The following HSD17B14 variants were observed in gnomAD, a reference collection of about 807,000 sequenced individuals.
HSD17B14 encodes the protein L-fucose dehydrogenase.
HSD17B14 carries 32 observed loss-of-function variants against 32.2 expected under a neutral mutation model. The observed-to-expected ratio is 0.99, with a 90% CI of 0.75 to 1.33. HSD17B14 has a LOEUF of 1.33. Among genes scored for constraint, HSD17B14 ranks in the 40% most tolerant of loss-of-function variants. The pLI, the probability that HSD17B14 is intolerant of heterozygous loss-of-function variation, is 0.00. For missense variants in HSD17B14, 370 were observed against 366.5 expected, an observed-to-expected ratio of 1.01 and a Z score of -0.08; for synonymous variants, 140 against 155.4, an observed-to-expected ratio of 0.90 and a Z score of 0.74.
chr19:48,820,954 G>C (rs2035136905), intron 5 of HSD17B14, among the ~76,000 whole-genome samples: 1 of 151,810 alleles, frequency 6.6e-6, no homozygotes, highest in Non-Finnish European at 1.5e-5. Flanking sequence ...TGCCTGCTTG[G>C]GCCTCCCAAA....
chr19:48,836,387 C>T lies in HSD17B14; in HGVS notation c.25G>A (p.Gly9Arg), dbSNP rs565045362. 1 of 1,613,928 alleles carries T rather than the reference C, an allele frequency of 6.2e-7. No individual in the cohort carries two copies. Among genetic ancestry groups the T allele is most frequent in the South Asian group, 1.1e-5 (1 of 91,082 alleles). MATGTRYA[G>R]KVVVVTGGGR... ...CCCCCGGTCACGACCACCACCTTCCCGGCATAGCGCGTTCCCGTAGCCATC... is the reference window on the plus strand; with the variant it reads ...CCCCCGGTCACGACCACCACCTTCCTGGCATAGCGCGTTCCCGTAGCCATC... Residue 9 changes from glycine to arginine, a missense_variant, in exon 1 of 9, where the codon GGG (glycine) becomes AGG (arginine). By Grantham distance (125) the Gly-to-Arg change is moderately radical (BLOSUM62 -2). Transcript: ENST00000263278.
At chr19:48,819,420 C>G (rs1200242213) in intron 5 of HSD17B14, among the ~76,000 whole-genome samples, 1 of 152,158 alleles carries the variant, frequency 6.6e-6, no homozygotes, top group Non-Finnish European at 1.5e-5. Flanking sequence ...CTCCCTTGCT[C>G]AAATACCTGC....
chr19:48,832,142 G>T (rs149132031), intron 4 of HSD17B14, among the ~76,000 whole-genome samples: 11,243 of 148,998 alleles, frequency 0.075, 1,259 homozygotes, highest in African/African-American at 0.24. Flanking sequence ...CATTTGGGGA[G>T]GCCGAGGTGG....
intron 5 of HSD17B14, among the ~76,000 whole-genome samples, chr19:48,825,148 GA>G (rs2035222776): frequency 6.8e-6 from 1 of 147,006 alleles, no homozygotes; most frequent in South Asian, 2.1e-4. Flanking sequence ...TGAGGCAGGA[GA>G]ATCACTTGAA....
intron 5 of HSD17B14, among the ~76,000 whole-genome samples, chr19:48,822,241 T>C (rs1388976809): frequency 7.4e-6 from 1 of 135,792 alleles, no homozygotes; most frequent in Non-Finnish European, 1.6e-5. Context: ...GGTGGTGATG[T>C]TGGTGATGGT....
At chr19:48,829,709 T>A (rs1392097105) in intron 5 of HSD17B14, among the ~76,000 whole-genome samples, 1 of 141,054 alleles carries the variant, frequency 7.1e-6, no homozygotes, top group South Asian at 2.3e-4. Context: ...AATGGCACGA[T>A]CTCAGCTCAC....
intron 5 of HSD17B14, among the ~76,000 whole-genome samples, chr19:48,824,770 A>G (rs77601277): frequency 1.5e-5 from 1 of 68,314 alleles, no homozygotes; most frequent in African/African-American, 7.4e-5. Context: ...AAAGAAAGAC[A>G]AAAAAAAAAA....
At chr19:48,833,204 A>T (rs2035375643) in intron 3 of HSD17B14, among the ~76,000 whole-genome samples, 1 of 150,730 alleles carries the variant, frequency 6.6e-6, no homozygotes, top group African/African-American at 2.4e-5. Context: ...ACAGCAGGCA[A>T]GCAGGAGACA....
intron 5 of HSD17B14, among the ~76,000 whole-genome samples, chr19:48,815,655 C>G (rs1488944740): frequency 1.3e-5 from 2 of 152,042 alleles, no homozygotes. Context: ...GGATTACAGG[C>G]ACGAGGCATC....
intron 5 of HSD17B14, among the ~76,000 whole-genome samples, chr19:48,816,135 G>T (rs879533890): frequency 2.6e-5 from 4 of 151,868 alleles, no homozygotes; most frequent in African/African-American, 7.3e-5. Flanking sequence ...GTGTGTGCGT[G>T]TGTGTTCGTT....
Position 48,822,106 on chromosome 19 carries a change from G to A in HSD17B14, c.370-6965C>T, listed in dbSNP as rs528740234. ...GATGGTGATGATGGTGGTGATGATGGTGGCAATGATGGTGATGCTGATGTT... is the reference window on the plus strand; with the variant it reads ...GATGGTGATGATGGTGGTGATGATGATGGCAATGATGGTGATGCTGATGTT... On this transcript the variant is annotated intron_variant, in intron 5 of 8. Transcript: ENST00000263278. Among the ~76,000 whole-genome samples the A allele has an allele frequency of 6.8e-4, 98 of 143,450 alleles. 1 individual carries two copies. Among genetic ancestry groups the A allele is most frequent in the East Asian group, 4.1e-3 (19 of 4,584 alleles). 94.1% of individuals were successfully genotyped at this position (143,450 alleles called of 152,430 possible).
intron 5 of HSD17B14, among the ~76,000 whole-genome samples, chr19:48,819,164 T>C (rs973395109): frequency 7.9e-5 from 12 of 152,232 alleles, no homozygotes; most frequent in African/African-American, 2.9e-4. Flanking sequence ...AATTTTTGTA[T>C]TTTTAGTAGC....
rs923466943 is a variant in HSD17B14 at position 48,820,868 on chromosome 19, T to TA, written c.370-5728dup. ...AAAGTAAGAAAAAAAAAGACAAAAA[T>TA]AAAAAAAAATAAATAAGTAGAGACA... is the stretch of plus-strand genomic sequence containing the variant. On this transcript the variant is annotated intron_variant, in intron 5 of 8. Transcript: ENST00000263278. Among the ~76,000 whole-genome samples, 20 of 150,184 alleles carry TA rather than the reference T, an allele frequency of 1.3e-4. 1 individual carries two copies. The highest frequency in any genetic ancestry group is 2.0e-4 in the African/African-American group (8 of 40,896).
chr19:48,829,194 C>G (rs907443352), intron 5 of HSD17B14, among the ~76,000 whole-genome samples: 1 of 152,088 alleles, frequency 6.6e-6, no homozygotes, highest in African/African-American at 2.4e-5. Flanking sequence ...CAGCTCTCCC[C>G]CAATTCTTGT....
intron 5 of HSD17B14, among the ~76,000 whole-genome samples, chr19:48,827,956 G>A (rs1399994616): frequency 2.0e-5 from 3 of 150,646 alleles, no homozygotes; most frequent in African/African-American, 4.9e-5. Flanking sequence ...CCGGGTTCAC[G>A]CCATTCTCCT....
At chr19:48,821,693 ATGG>A (rs1435983084) in intron 5 of HSD17B14, among the ~76,000 whole-genome samples, 1 of 149,244 alleles carries the variant, frequency 6.7e-6, no homozygotes, top group Admixed American at 6.7e-5. Context: ...GATGATGATA[ATGG>A]TGGTCATGAT....
At chr19:48,830,917 C>T (rs2035326137) in intron 5 of HSD17B14, among the ~76,000 whole-genome samples, 1 of 151,902 alleles carries the variant, frequency 6.6e-6, no homozygotes, top group South Asian at 2.1e-4. Context: ...TAGCTCATGG[C>T]AGCCTTGACT....
At position 48,813,527 on chromosome 19, in the gene HSD17B14, G is replaced by T. The variant is rs1487555753; in HGVS notation, c.568C>A (p.Pro190Thr). 1 of 1,614,116 alleles carries T rather than the reference G, an allele frequency of 6.2e-7. No homozygotes were observed. Reference sequence around the variant, plus strand: ...AAGGCTGCCAGCTCCTCCCACAGCGGGGTCCAGATGTTTCCTGGGGAGATA... The same window carrying T: ...AAGGCTGCCAGCTCCTCCCACAGCGTGGTCCAGATGTTTCCTGGGGAGATA... ...NCISPGNIWT[P>T]LWEELAALMP... The change falls in exon 8 of 9, where the codon CCG becomes ACG. Residue 190 changes from proline (P) to threonine (T), a missense_variant. By Grantham distance (38) the Pro-to-Thr change is conservative (BLOSUM62 -1). Coordinates refer to ENST00000263278, the MANE Select transcript of HSD17B14 (RefSeq NM_016246.3).
intron 5 of HSD17B14, among the ~76,000 whole-genome samples, chr19:48,817,870 C>A (rs1217076991): frequency 1.3e-5 from 2 of 152,160 alleles, no homozygotes; most frequent in East Asian, 1.9e-4. Context: ...AGCTGAGAGT[C>A]CCATTTCACA....
Sources: gnomAD v4.1 joint callset for allele counts (sites outside exome capture counted in the v4.1 genomes callset) on GRCh38, gnomAD v4.1.1 for gene constraint, MANE v1.5 for transcripts, NCBI Gene and HGNC (gene_info 2026-07-23, HGNC 2026-07-21) for gene names.